The following VWA5B2 variants were observed in gnomAD, a reference collection of about 807,000 sequenced individuals.
VWA5B2 encodes von Willebrand factor A domain containing 5B2.
Under a neutral mutation model 118.5 loss-of-function variants are expected in VWA5B2, and 93 were observed. That is an observed-to-expected ratio of 0.79 (90% CI 0.66 to 0.93). VWA5B2 has a LOEUF of 0.93. Among genes scored for constraint, VWA5B2 ranks in the 40% least tolerant of loss-of-function variants. The probability of loss-of-function intolerance (pLI) is 0.00; values close to 1 mark genes in which losing one functional copy is unlikely to be tolerated. For missense variants in VWA5B2, 1,546 were observed against 1,672.8 expected, an observed-to-expected ratio of 0.92 and a Z score of 1.32; for synonymous variants, 708 against 716.3, an observed-to-expected ratio of 0.99 and a Z score of 0.19.
chr3:184,238,850 G>C lies in VWA5B2; in HGVS notation c.2179G>C (p.Ala727Pro). 6.6e-7 allele frequency: 1 copy of C among 1,518,556 alleles called. No homozygotes were observed. The highest frequency in any genetic ancestry group is 8.9e-7 in the Non-Finnish European group (1 of 1,123,852). 94.1% of individuals were successfully genotyped at this position (1,518,556 alleles called of 1,614,324 possible). A position where few individuals can be genotyped will look rare whatever the true frequency, so the allele number is the denominator to read the frequency against. Residue 727 changes from alanine to proline, a missense_variant, in exon 14 of 20, where the codon GCA becomes CCA. This residue lies in a region of VWA5B2 where 763 missense variants were observed against 766.6 expected (regional missense o/e 1.00). Transcript: ENST00000691901. The surrounding 1 kb of genome is among the most constrained non-coding windows in gnomAD (Gnocchi z 5.0). ...PAGSRSCPLP[A>P]PTPAPFKVGA... ...AGGCTCCCGCTCCTGTCCCCTGCCT[G>C]CACCCACACCAGCTCCATTCAAGGT...
chr3:184,234,125 G>T, intron 5 of VWA5B2, 141 bp from the exon 6 acceptor site: 1 of 1,111,990 alleles, frequency 9.0e-7, no homozygotes, highest in Non-Finnish European at 1.3e-6. Flanking sequence ...ATGAAAGCAG[G>T]CACATCCTCC....
In VWA5B2 at chr3:184,239,558, G is replaced by A; in HGVS notation, c.2367G>A (p.Gln789=). 6.5e-7 allele frequency: 1 copy of A among 1,534,788 alleles called. No individual in the cohort carries two copies. The highest frequency in any genetic ancestry group is 8.8e-7 in the Non-Finnish European group (1 of 1,135,316). Residue 789 remains glutamine (Q), a synonymous_variant, in exon 15 of 20, where the codon CAG becomes CAA. Transcript: ENST00000691901. This position sits in a 1 kb window ranked among gnomAD's most constrained non-coding sequence, Gnocchi z 5.1. Reference sequence around the variant, plus strand: ...GCCCAAGTCCTGAGCCAGGCCAACAGTTGGGACAAGGCCTGGATGACTCAG... The same window carrying A: ...GCCCAAGTCCTGAGCCAGGCCAACAATTGGGACAAGGCCTGGATGACTCAG... ...LDGPSPEPGQ[Q]LGQGLDDSGN... is the part of the protein sequence containing the mutation.
chr3:184,233,600 C>A lies in VWA5B2; in HGVS notation c.555C>A (p.Gly185=). The change falls in exon 5 of 20, where the codon GGC becomes GGA. Residue 185 remains glycine (G), a synonymous_variant. Coordinates refer to ENST00000691901, the MANE Select transcript of VWA5B2 (RefSeq NM_001390846.1). The surrounding 1 kb of genome is among the most constrained non-coding windows in gnomAD (Gnocchi z 5.2). The part of the protein sequence containing the change: ...DDSPTSCFGV[G]SLQEEGLAWE... ...GCCCCACCAGCTGCTTCGGGGTGGGCAGCCTTCAGGAGGAAGGGCTGGCCT... is the reference window on the plus strand; with the variant it reads ...GCCCCACCAGCTGCTTCGGGGTGGGAAGCCTTCAGGAGGAAGGGCTGGCCT... 1.3e-6 allele frequency: 2 copies of A among 1,550,820 alleles called. No homozygotes were observed. The highest frequency in any genetic ancestry group is 1.7e-6 in the Non-Finnish European group (2 of 1,146,798).
In VWA5B2 at chr3:184,241,355, C is replaced by T. The variant is rs775364909; in HGVS notation, c.3131C>T (p.Pro1044Leu). 1.9e-6 allele frequency: 3 copies of T among 1,554,602 alleles called. No individual in the cohort carries two copies. Among genetic ancestry groups the T allele is most frequent in the Non-Finnish European group, 2.6e-6 (3 of 1,148,794 alleles). ...GRRHKLCSPDPGQANNSEGSD... is the reference protein window; with the variant it reads ...GRRHKLCSPDLGQANNSEGSD... ...CGTCACAAACTCTGTAGCCCTGACC[C>T]GGGCCAGGCCAACAACAGTGAAGGC... Residue 1044 changes from proline to leucine, a missense_variant, in exon 19 of 20, where the codon CCG becomes CTG. By Grantham distance (98) the Pro-to-Leu change is moderately conservative. Coordinates refer to ENST00000691901, the MANE Select transcript of VWA5B2 (RefSeq NM_001390846.1). This position sits in a 1 kb window ranked among gnomAD's most constrained non-coding sequence, Gnocchi z 5.1.
In VWA5B2 at chr3:184,241,882, G is replaced by T. The variant is rs1434488740; in HGVS notation, c.3573G>T (p.Ala1191=). ...AAAFDEWELT[A]AKADCWLRAQ... is the part of the protein sequence containing the mutation. ...CCTTCGACGAGTGGGAACTGACAGC[G>T]GCCAAGGCTGATTGCTGGCTGCGGG... is the stretch of plus-strand genomic sequence containing the variant. The change falls in exon 20 of 20, where the codon GCG becomes GCT. Residue 1191 remains alanine (A), a synonymous_variant. Coordinates refer to ENST00000691901, the MANE Select transcript of VWA5B2 (RefSeq NM_001390846.1). This position sits in a 1 kb window ranked among gnomAD's most constrained non-coding sequence, Gnocchi z 5.1. 9 of 1,546,980 alleles carry T rather than the reference G, an allele frequency of 5.8e-6. No individual in the cohort carries two copies. The highest frequency in any genetic ancestry group is 2.7e-5 in the African/African-American group (2 of 73,188).
Position 184,230,659 on chromosome 3 carries a change from C to A in VWA5B2, c.131C>A (p.Pro44Gln), listed in dbSNP as rs1327280997. The A allele has an allele frequency of 1.5e-6, 2 of 1,315,952 alleles. No individual in the cohort carries two copies. The highest frequency in any genetic ancestry group is 4.0e-5 in the Admixed American group (1 of 24,996). The allele number at this position is 1,315,952 out of a possible 1,614,324, so 81.5% of individuals were successfully genotyped here. The change falls in exon 2 of 20, where the codon CCG (proline) becomes CAG (glutamine). Residue 44 changes from proline (P) to glutamine (Q), a missense_variant. Around this residue, in one of 3 missense-constraint regions of VWA5B2, gnomAD observed 775 missense variants for 882.3 expected, o/e 0.88. Transcript: ENST00000691901. ...RLTYRNPQPQPVDGVFVYPLA... is the reference protein window; with the variant it reads ...RLTYRNPQPQQVDGVFVYPLA... ...ACCTACCGCAACCCGCAGCCGCAGC[C>A]GGTGGACGGTGAGGCCCGGGTGGGG...
rs1252917485 is a variant in VWA5B2, at chr3:184,242,126, T to C, written c.*88T>C. ...GGCTGGCCTCTTGGTGCTGGGAAAG[T>C]GTAGGCTGGTGCCAGCCTGTCCCCC... On this transcript the variant is annotated 3_prime_UTR_variant, in exon 20 of 20. Transcript: ENST00000691901. 3.4e-6 allele frequency: 5 copies of C among 1,464,328 alleles called. No homozygotes were observed. The highest frequency in any genetic ancestry group is 4.1e-5 in the Admixed American group (2 of 48,888). 90.7% of individuals were successfully genotyped at this position (1,464,328 alleles called of 1,614,324 possible). A position where few individuals can be genotyped will look rare whatever the true frequency, so the allele number is the denominator to read the frequency against.
intron 8 of VWA5B2, among the ~76,000 whole-genome samples, chr3:184,235,894 A>G (rs1370604502): frequency 2.9e-4 from 42 of 147,036 alleles, no homozygotes; most frequent in African/African-American, 1.0e-3. Context: ...ACAGTCATGT[A>G]TACCTCCAGA....
chr3:184,241,272 C>T lies in VWA5B2; in HGVS notation c.3048C>T (p.Pro1016=). The T allele has an allele frequency of 6.4e-7, 1 of 1,551,432 alleles. No homozygotes were observed. The highest frequency in any genetic ancestry group is 2.4e-5 in the East Asian group (1 of 40,918). ...SKRALGDPAT[P]TEGPRRPPPR... ...GTGCTTTGGGGGACCCTGCCACTCC[C>T]ACGGAAGGTCCTCGCCGCCCACCTC... The change falls in exon 19 of 20, where the codon CCC becomes CCT. Residue 1016 remains proline, a synonymous_variant. Transcript: ENST00000691901. The surrounding 1 kb of genome is among the most constrained non-coding windows in gnomAD (Gnocchi z 5.1).
Position 184,238,870 on chromosome 3 carries a change from C to T in VWA5B2, c.2199C>T (p.Phe733=), listed in dbSNP as rs1278826518. ...TGCCTGCACCCACACCAGCTCCATT[C>T]AAGGTGAGATCCAACCCACATTCAT... ...CPLPAPTPAP[F]KVGALSTEVL... Residue 733 remains phenylalanine, a synonymous_variant, in exon 14 of 20, where the codon TTC becomes TTT. Coordinates refer to ENST00000691901, the MANE Select transcript of VWA5B2 (RefSeq NM_001390846.1). This position sits in a 1 kb window ranked among gnomAD's most constrained non-coding sequence, Gnocchi z 5.0. The T allele has an allele frequency of 6.7e-7, 1 of 1,494,430 alleles. No individual in the cohort carries two copies. Among genetic ancestry groups the T allele is most frequent in the East Asian group, 2.5e-5 (1 of 40,028 alleles). 92.6% of individuals were successfully genotyped at this position (1,494,430 alleles called of 1,614,324 possible).
rs1335077025 is a variant in VWA5B2, at chr3:184,233,731, C to G, written c.686C>G (p.Ala229Gly). 7 of 1,549,918 alleles carry G rather than the reference C, an allele frequency of 4.5e-6. No homozygotes were observed. The highest frequency in any genetic ancestry group is 6.1e-6 in the Non-Finnish European group (7 of 1,146,874). Residue 229 changes from alanine to glycine, a missense_variant and splice_region_variant, in exon 5 of 20, where the codon GCA (alanine) becomes GGA (glycine). Physicochemically the swap from Ala to Gly is moderately conservative, Grantham distance 60 (BLOSUM62 0). Transcript: ENST00000691901. The surrounding 1 kb of genome is among the most constrained non-coding windows in gnomAD (Gnocchi z 5.2). ...CTGGTGACTGGGCCATGCCTGCTTG[C>G]AGGTGGGTGCATCTGGCTGGCCTGC... Reference protein sequence around the residue: ...EMLVTGPCLLAGLESPSHALR... With the variant: ...EMLVTGPCLLGGLESPSHALR...
At position 184,242,038 on chromosome 3, in the gene VWA5B2, AAGGCTG is replaced by A; in HGVS notation, c.*1_*6del. 6.5e-7 allele frequency: 1 copy of A among 1,548,958 alleles called. No homozygotes were observed. Among genetic ancestry groups the A allele is most frequent in the South Asian group, 1.2e-5 (1 of 84,016 alleles). The stretch of plus-strand genomic sequence containing the variant: ...TGTGCTACAGCCCAGCGAACGTGTG[AAGGCTG>A]CCCCCTGCTGCTTGGGCTGGCGCCC... On this transcript the variant is annotated 3_prime_UTR_variant, in exon 20 of 20. Transcript: ENST00000691901.
At position 184,237,316 on chromosome 3, in the gene VWA5B2, A is replaced by T. The variant is rs750870703; in HGVS notation, c.1624A>T (p.Thr542Ser). ...FVPDTVEALLTPREIPALYPG... is the reference protein window; with the variant it reads ...FVPDTVEALLSPREIPALYPG... ...GCCCGACACTGTGGAGGCACTGCTG[A>T]CCCCCCGGGAGATCCCAGCACTCTA... is the stretch of plus-strand genomic sequence containing the variant. The change falls in exon 12 of 20, where the codon ACC (threonine) becomes TCC (serine). Residue 542 changes from threonine to serine, a missense_variant. By Grantham distance (58) the Thr-to-Ser change is moderately conservative. This residue lies in a region of VWA5B2 where 775 missense variants were observed against 882.3 expected (regional missense o/e 0.88). Coordinates refer to ENST00000691901, the MANE Select transcript of VWA5B2 (RefSeq NM_001390846.1). This position sits in a 1 kb window ranked among gnomAD's most constrained non-coding sequence, Gnocchi z 5.6. 19 of 1,550,370 alleles carry T rather than the reference A, an allele frequency of 1.2e-5. No homozygotes were observed. The South Asian group carries it at 1.7e-4, about 14-fold the overall frequency.
Position 184,234,612 on chromosome 3 carries a change from T to C in VWA5B2, c.821-19T>C. ...AGAGGCAGGGCCTTCCTTGACAGAA[T>C]TGTGTCCTCTCCTCTCAGAGCCCCA... On this transcript the variant is annotated intron_variant, in intron 6 of 19. Transcript: ENST00000691901. The C allele has an allele frequency of 1.3e-6, 2 of 1,550,474 alleles. No homozygotes were observed. Among genetic ancestry groups the C allele is most frequent in the African/African-American group, 1.4e-5 (1 of 73,146 alleles).
At position 184,238,241 on chromosome 3, in the gene VWA5B2, A is replaced by G. The variant is rs1175891552; in HGVS notation, c.1720-62A>G. 3.6e-6 allele frequency: 5 copies of G among 1,383,622 alleles called. No individual in the cohort carries two copies. The highest frequency in any genetic ancestry group is 3.8e-6 in the Non-Finnish European group (4 of 1,040,914). The allele number at this position is 1,383,622 out of a possible 1,614,324, so 85.7% of individuals were successfully genotyped here. A position where few individuals can be genotyped will look rare whatever the true frequency, so the allele number is the denominator to read the frequency against. On this transcript the variant is annotated intron_variant, in intron 12 of 19. Coordinates refer to ENST00000691901, the MANE Select transcript of VWA5B2 (RefSeq NM_001390846.1). This position sits in a 1 kb window ranked among gnomAD's most constrained non-coding sequence, Gnocchi z 5.0. ...GCCTCTTGCTGTGAGCCATCTAAAA[A>G]TGTTTGGAAAGAGGTAGCACATAAC...
chr3:184,242,005 A>G lies in VWA5B2; in HGVS notation c.3696A>G (p.Leu1232=), dbSNP rs529887900. ...LLRHWDQNLQ[L]HLLCYSPANV Reference sequence around the variant, plus strand: ...GCCACTGGGACCAAAACCTGCAGCTACACCTGCTGTGCTACAGCCCAGCGA... The same window carrying G: ...GCCACTGGGACCAAAACCTGCAGCTGCACCTGCTGTGCTACAGCCCAGCGA... The change falls in exon 20 of 20, where the codon CTA becomes CTG. Residue 1232 remains leucine (L), a synonymous_variant. Transcript: ENST00000691901. 4 of 1,550,308 alleles carry G rather than the reference A, an allele frequency of 2.6e-6. No homozygotes were observed. The highest frequency in any genetic ancestry group is 1.4e-5 in the African/African-American group (1 of 73,148).
chr3:184,239,907 C>T lies in VWA5B2; in HGVS notation c.2611C>T (p.Gln871Ter), dbSNP rs1457306713. Residue 871 changes from glutamine to a stop codon, truncating the protein, a stop_gained, in exon 16 of 20, where the codon CAG becomes TAG. Transcript: ENST00000691901. LOFTEE classifies it high-confidence loss of function. The surrounding 1 kb of genome is among the most constrained non-coding windows in gnomAD (Gnocchi z 5.1). ...ETLWGPGDGS[Q>*]PPSPPVREAA... ...ACTGTGGGGACCTGGAGATGGCTCA[C>T]AGCCTCCCTCACCTCCTGTAAGAGA... 6.4e-7 allele frequency: 1 copy of T among 1,551,626 alleles called. No homozygotes were observed. Among genetic ancestry groups the T allele is most frequent in the South Asian group, 1.2e-5 (1 of 84,058 alleles).
chr3:184,237,195 C>T lies in VWA5B2; in HGVS notation c.1534-31C>T, dbSNP rs1307242997. 6.5e-7 allele frequency: 1 copy of T among 1,544,670 alleles called. No homozygotes were observed. Among genetic ancestry groups the T allele is most frequent in the Admixed American group, 2.0e-5 (1 of 50,828 alleles). ...CTGGCCGTATGACACCTCTTTCCTT[C>T]CCATGTCTTCCCTGTGGCCACTCCC... On this transcript the variant is annotated intron_variant, in intron 11 of 19. Transcript: ENST00000691901. The surrounding 1 kb of genome is among the most constrained non-coding windows in gnomAD (Gnocchi z 5.6).
In VWA5B2 at chr3:184,237,959, C is replaced by A. The variant is rs139791107; in HGVS notation, c.1720-344C>A. Reference sequence around the variant, plus strand: ...TAAAGTGAGTACTCCTGGCAGAACACTTGACACAGTAGGAGCTGGGGACAT... The same window carrying A: ...TAAAGTGAGTACTCCTGGCAGAACAATTGACACAGTAGGAGCTGGGGACAT... On this transcript the variant is annotated intron_variant, in intron 12 of 19. Coordinates refer to ENST00000691901, the MANE Select transcript of VWA5B2 (RefSeq NM_001390846.1). The surrounding 1 kb of genome is among the most constrained non-coding windows in gnomAD (Gnocchi z 5.6). Among the ~76,000 whole-genome samples, 1 of 152,290 alleles carries A rather than the reference C, an allele frequency of 6.6e-6. No homozygotes were observed. The highest frequency in any genetic ancestry group is 1.9e-4 in the East Asian group (1 of 5,186).
Sources: allele counts gnomAD v4.1 joint callset (sites outside exome capture counted in the v4.1 genomes callset), GRCh38; gene constraint gnomAD v4.1.1; regional missense constraint gnomAD v4.1.1; non-coding constraint Gnocchi (gnomAD v3.1); transcripts MANE v1.5; gene names NCBI Gene and HGNC (gene_info 2026-07-23, HGNC 2026-07-21).